GRID1: variants seen among roughly 807,000 people sequenced by gnomAD.
GRID1 encodes glutamate receptor ionotropic, delta-1.
A neutral mutation model predicts 98.0 loss-of-function variants in GRID1; 28 were observed. The ratio of observed to expected loss-of-function variants is 0.29; its 90% CI spans 0.21 to 0.39. The LOEUF is 0.39. GRID1 is among the 10% of genes least tolerant of loss of function. The pLI, the probability that GRID1 is intolerant of heterozygous loss-of-function variation, is 1.00. For synonymous variants in GRID1, 553 were observed against 538.5 expected, an observed-to-expected ratio of 1.03 and a Z score of -0.37; for missense variants, 1,111 against 1,340.5, an observed-to-expected ratio of 0.83 and a Z score of 2.67.
chr10:85,889,575 A>T (rs922797390), intron 5 of GRID1, among the ~76,000 whole-genome samples: 2 of 152,136 alleles, frequency 1.3e-5, no homozygotes, highest in East Asian at 3.9e-4. Context: ...TTCTTTATCC[A>T]TTCATCTGTT....
intron 8 of GRID1, among the ~76,000 whole-genome samples, chr10:85,772,889 C>G (rs1050827864): frequency 2.0e-5 from 3 of 152,080 alleles, no homozygotes; most frequent in Admixed American, 6.5e-5. Context: ...AATTCTACCA[C>G]AGGTACAGGG....
chr10:86,337,715 T>G (rs868021789), intron 2 of GRID1, among the ~76,000 whole-genome samples: 61 of 140,356 alleles, frequency 4.3e-4, no homozygotes, highest in Middle Eastern at 3.5e-3. Context: ...TTTTTTTTTT[T>G]TTTTTTTTTT....
At chr10:85,790,415 A>G (rs1842467680) in intron 8 of GRID1, among the ~76,000 whole-genome samples, 1 of 152,252 alleles carries the variant, frequency 6.6e-6, no homozygotes, top group African/African-American at 2.4e-5. Flanking sequence ...GGAAAGGGAA[A>G]CTGGAAAGAA....
At chr10:86,292,366 T>C (rs1376661178) in intron 2 of GRID1, among the ~76,000 whole-genome samples, 2 of 152,216 alleles carry the variant, frequency 1.3e-5, no homozygotes, top group Non-Finnish European at 2.9e-5. Flanking sequence ...CAGGGTGACA[T>C]TTCCCTGTTG....
Position 85,838,981 on chromosome 10 carries a change from C to G in GRID1, c.1233+15515G>C, listed in dbSNP as rs1254984102. Among the ~76,000 whole-genome samples, 2 of 152,062 alleles carry G rather than the reference C, an allele frequency of 1.3e-5. 1 individual carries two copies. Among genetic ancestry groups the G allele is most frequent in the East Asian group, 3.8e-4 (2 of 5,196 alleles). On this transcript the variant is annotated intron_variant, in intron 8 of 15. Coordinates refer to ENST00000327946, the MANE Select transcript of GRID1 (RefSeq NM_017551.3). ...CAAGCAAATGGGAAACAGAAAAAAG[C>G]AGAGGTTGTAATCCTTGTCTCTGAC...
intron 5 of GRID1, among the ~76,000 whole-genome samples, chr10:85,877,330 C>G (rs889312871): frequency 3.9e-5 from 6 of 152,374 alleles, no homozygotes; most frequent in East Asian, 1.9e-4. Flanking sequence ...GACCCCCGAG[C>G]AGCCTAACTG....
At chr10:86,154,910 T>C (rs1327892486) in intron 3 of GRID1, among the ~76,000 whole-genome samples, 1 of 152,132 alleles carries the variant, frequency 6.6e-6, no homozygotes, top group Non-Finnish European at 1.5e-5. Context: ...CCGTCTCATT[T>C]ACTCACCCCA....
intron 5 of GRID1, among the ~76,000 whole-genome samples, chr10:85,886,993 G>A (rs1841126655): frequency 6.6e-6 from 1 of 152,136 alleles, no homozygotes; most frequent in African/African-American, 2.4e-5. Context: ...CTCCATTTCT[G>A]GAGAAATAAT....
chr10:85,706,885 G>T (rs2132630583), intron 12 of GRID1, among the ~76,000 whole-genome samples: 1 of 152,282 alleles, frequency 6.6e-6, no homozygotes, highest in Non-Finnish European at 1.5e-5. Context: ...TTAATAAATG[G>T]TGCTGGGAAA....
At chr10:85,614,242 A>T (rs576764210) in intron 14 of GRID1, among the ~76,000 whole-genome samples, 1 of 152,338 alleles carries the variant, frequency 6.6e-6, no homozygotes, top group Non-Finnish European at 1.5e-5. Flanking sequence ...GCTGTGATTT[A>T]AAAAAATGAA....
intron 4 of GRID1, among the ~76,000 whole-genome samples, chr10:86,135,395 T>C (rs1844908830): frequency 6.6e-6 from 1 of 152,158 alleles, no homozygotes; most frequent in Non-Finnish European, 1.5e-5. Context: ...CCTGTACCCT[T>C]GGCAGTCCCC....
intron 2 of GRID1, among the ~76,000 whole-genome samples, chr10:86,294,127 C>T (rs1265976167): frequency 7.9e-5 from 12 of 152,110 alleles, no homozygotes; most frequent in Non-Finnish European, 8.8e-5. Context: ...CAGGCCTGGT[C>T]AGCACCAGAA....
intron 4 of GRID1, among the ~76,000 whole-genome samples, chr10:86,103,963 G>A (rs1844340511): frequency 6.6e-6 from 1 of 152,184 alleles, no homozygotes; most frequent in Non-Finnish European, 1.5e-5. Flanking sequence ...GGCCTCAGGA[G>A]GACAGCTCCC....
At chr10:86,271,610 T>C (rs1847185841) in intron 2 of GRID1, among the ~76,000 whole-genome samples, 1 of 152,232 alleles carries the variant, frequency 6.6e-6, no homozygotes. Flanking sequence ...AGATGAAAAG[T>C]ACAATATGTG....
intron 5 of GRID1, among the ~76,000 whole-genome samples, chr10:85,871,068 C>T (rs1225214086): frequency 6.6e-6 from 1 of 152,160 alleles, no homozygotes; most frequent in Non-Finnish European, 1.5e-5. Context: ...GAAACTAACA[C>T]ATACAGACGC....
rs78658519 is a variant in GRID1, at chr10:86,108,968, C to T, written c.726+29851G>A. ...CCTCCCCAACCCATGCCATCCCTAG[C>T]GTGTGCTGCCTTCACTGAGTTCTCA... On this transcript the variant is annotated intron_variant, in intron 4 of 15. Coordinates refer to ENST00000327946, the MANE Select transcript of GRID1 (RefSeq NM_017551.3). Among the ~76,000 whole-genome samples, 815 of 152,282 alleles carry T rather than the reference C, an allele frequency of 5.4e-3. 10 individuals are homozygous for T. Among genetic ancestry groups the T allele is most frequent in the African/African-American group, 0.019 (774 of 41,562 alleles).
chr10:85,647,304 G>A lies in GRID1; in HGVS notation c.2091C>T (p.Asn697=), dbSNP rs1843208078. 3 of 1,614,132 alleles carry A rather than the reference G, an allele frequency of 1.9e-6. No homozygotes were observed. Among genetic ancestry groups the A allele is most frequent in the African/African-American group, 1.3e-5 (1 of 75,056 alleles). Residue 697 remains asparagine (N), a synonymous_variant, in exon 13 of 16, where the codon AAC becomes AAT. Coordinates refer to ENST00000327946, the MANE Select transcript of GRID1 (RefSeq NM_017551.3). ...CAAACGTGCTGTCCTGCTCCAGGGG[G>A]TTGGTGCCCTTGGCTCGGAAGTACT... is the stretch of plus-strand genomic sequence containing the variant. The part of the protein sequence containing the change: ...VYEYFRAKGT[N]PLEQDSTFAE...
Position 86,139,891 on chromosome 10 carries a change from T to G in GRID1, c.521-867A>C, listed in dbSNP as rs116993974. 3.6e-4 allele frequency among the ~76,000 whole-genome samples: 55 copies of G among 151,382 alleles called. No homozygotes were observed. The East Asian group carries it at 0.011, about 29-fold the overall frequency. On this transcript the variant is annotated intron_variant, in intron 3 of 15. Coordinates refer to ENST00000327946, the MANE Select transcript of GRID1 (RefSeq NM_017551.3). The stretch of plus-strand genomic sequence containing the variant: ...CTTGTGAGGCCTGAGGGTGCTAAAG[T>G]TTTTTCATCCAGTGCCAAAATCATC...
chr10:86,252,914 A>G (rs1327073663), intron 2 of GRID1, among the ~76,000 whole-genome samples: 3 of 152,218 alleles, frequency 2.0e-5, no homozygotes, highest in African/African-American at 7.2e-5. Flanking sequence ...CATCCAGAAA[A>G]TAAGTGGTGA....
Sources: gnomAD v4.1 joint callset for allele counts (sites outside exome capture counted in the v4.1 genomes callset) on GRCh38, gnomAD v4.1.1 for gene constraint, MANE v1.5 for transcripts, NCBI Gene and HGNC (gene_info 2026-07-23, HGNC 2026-07-21) for gene names.